The following VPS35L variants were observed in gnomAD, a reference collection of about 807,000 sequenced individuals.
VPS35L encodes the protein VPS35 endosomal protein sorting factor like.
Under a neutral mutation model 133.0 loss-of-function variants are expected in VPS35L, and 83 were observed. That is an observed-to-expected ratio of 0.62 (90% CI 0.52 to 0.75). The LOEUF (loss-of-function observed/expected upper bound fraction) is 0.75, where lower values mean the gene tolerates loss of function less well. VPS35L is among the 30% of genes least tolerant of loss of function. VPS35L has a pLI of 0.00. For synonymous variants in VPS35L, 423 were observed against 449.9 expected, an observed-to-expected ratio of 0.94 and a Z score of 0.76; for missense variants, 1,083 against 1,206.8, an observed-to-expected ratio of 0.90 and a Z score of 1.52.
chr16:19,574,004 G>A (rs528451279), intron 4 of VPS35L, among the ~76,000 whole-genome samples: 6 of 152,178 alleles, frequency 3.9e-5, no homozygotes, highest in African/African-American at 1.4e-4. Flanking sequence ...CGAAATTCGA[G>A]GCTTACCCTT....
intron 3 of VPS35L, among the ~76,000 whole-genome samples, chr16:19,571,847 C>T (rs1971395589): frequency 6.9e-6 from 1 of 144,530 alleles, no homozygotes; most frequent in Non-Finnish European, 1.5e-5. Flanking sequence ...GCCCAGCCAA[C>T]TTTTTTTTTT....
At chr16:19,576,896 A>G (rs988866273) in intron 5 of VPS35L, among the ~76,000 whole-genome samples, 5 of 152,086 alleles carry the variant, frequency 3.3e-5, no homozygotes. Flanking sequence ...TAATAGAGAC[A>G]GGGTTTCACC....
rs1212245932 is a variant in VPS35L at position 19,616,187 on chromosome 16, A to G, written c.1097A>G (p.Lys366Arg). 38 of 1,607,310 alleles carry G rather than the reference A, an allele frequency of 2.4e-5. No homozygotes were observed. The highest frequency in any genetic ancestry group is 2.9e-5 in the Non-Finnish European group (34 of 1,174,078). Residue 366 changes from lysine (K) to arginine (R), a missense_variant, in exon 13 of 31, where the codon AAA becomes AGA. Physicochemically the swap from Lys to Arg is conservative, Grantham distance 26. Transcript: ENST00000417362. ...TTTTTTGACTTCCTCCTTACGTTCA[A>G]ACAGGTAAGAGAACACTATCAGAAT... is the stretch of plus-strand genomic sequence containing the variant. ...KNFFDFLLTF[K>R]QIHGDTVQNQ... is the part of the protein sequence containing the mutation.
At chr16:19,671,468 C>CAA (rs36049125) in intron 27 of VPS35L, among the ~76,000 whole-genome samples, 113 of 134,258 alleles carry the variant, frequency 8.4e-4, no homozygotes, top group Middle Eastern at 8.5e-3. Flanking sequence ...GACTCCATCT[C>CAA]AAAAAAAAAA....
At chr16:19,607,443 T>C (rs1418300833) in intron 9 of VPS35L, among the ~76,000 whole-genome samples, 1 of 152,228 alleles carries the variant, frequency 6.6e-6, no homozygotes, top group Non-Finnish European at 1.5e-5. Context: ...GGACCAGAAC[T>C]TGACCCACGT....
intron 11 of VPS35L, among the ~76,000 whole-genome samples, chr16:19,610,085 C>T (rs1359263942): frequency 6.6e-6 from 1 of 152,058 alleles, no homozygotes; most frequent in African/African-American, 2.4e-5. Flanking sequence ...GGTTAGCCTC[C>T]ACCACTGAGC....
chr16:19,602,136 C>T (rs1461052683), intron 9 of VPS35L, among the ~76,000 whole-genome samples: 1 of 152,110 alleles, frequency 6.6e-6, no homozygotes, highest in Non-Finnish European at 1.5e-5. Context: ...GCTTTGAATT[C>T]ACAATCTATA....
chr16:19,692,644 A>G (rs1456976729), intron 29 of VPS35L, among the ~76,000 whole-genome samples: 2 of 151,676 alleles, frequency 1.3e-5, no homozygotes, highest in Non-Finnish European at 2.9e-5. Context: ...GCTCACTGCA[A>G]CCTCCACCTC....
intron 28 of VPS35L, among the ~76,000 whole-genome samples, chr16:19,688,586 C>T (rs1323845402): frequency 1.3e-5 from 2 of 152,164 alleles, no homozygotes; most frequent in African/African-American, 2.4e-5. Context: ...TGAGAAGCAG[C>T]GAGTGCCGCC....
intron 15 of VPS35L, among the ~76,000 whole-genome samples, chr16:19,626,645 G>A (rs1006100165): frequency 6.6e-6 from 1 of 151,928 alleles, no homozygotes; most frequent in Non-Finnish European, 1.5e-5. Context: ...GCCTGTAGTC[G>A]CAGCTACTCA....
Position 19,677,723 on chromosome 16 carries a change from C to T in VPS35L, c.2362-4502C>T, listed in dbSNP as rs558172437. On this transcript the variant is annotated intron_variant, in intron 27 of 30. Coordinates refer to ENST00000417362, the MANE Select transcript of VPS35L (RefSeq NM_020314.7). Reference sequence around the variant, plus strand: ...AGCAAGCTGGTCTCTGACAGCTTCCCGTCAAGTGGTGATCTGTCTCCCTTC... The same window carrying T: ...AGCAAGCTGGTCTCTGACAGCTTCCTGTCAAGTGGTGATCTGTCTCCCTTC... Among the ~76,000 whole-genome samples, 11 of 152,292 alleles carry T rather than the reference C, an allele frequency of 7.2e-5. 1 individual carries two copies. Among genetic ancestry groups the T allele is most frequent in the African/African-American group, 2.4e-4 (10 of 41,564 alleles).
At chr16:19,646,598 G>A (rs913464312) in intron 23 of VPS35L, among the ~76,000 whole-genome samples, 7 of 152,086 alleles carry the variant, frequency 4.6e-5, no homozygotes, top group Admixed American at 2.6e-4. Flanking sequence ...CCGGGAGGCA[G>A]AGGTTGCGGT....
At chr16:19,607,915 A>G in intron 9 of VPS35L, 1 of 380,502 alleles carries the variant, frequency 2.6e-6, no homozygotes, top group Non-Finnish European at 4.8e-6. Flanking sequence ...AAATAAGATA[A>G]TAAAACTACG....
At chr16:19,676,087 A>G (rs1975054612) in intron 27 of VPS35L, among the ~76,000 whole-genome samples, 1 of 152,106 alleles carries the variant, frequency 6.6e-6, no homozygotes, top group Non-Finnish European at 1.5e-5. Context: ...CCCCATTTCT[A>G]CTAAAAATAC....
intron 12 of VPS35L, among the ~76,000 whole-genome samples, chr16:19,610,976 A>C (rs1410652255): frequency 6.6e-6 from 1 of 152,182 alleles, no homozygotes; most frequent in Non-Finnish European, 1.5e-5. Context: ...GTGTATGGAA[A>C]AAATGTAACC....
chr16:19,679,492 T>A (rs1975187235), intron 27 of VPS35L, among the ~76,000 whole-genome samples: 1 of 142,400 alleles, frequency 7.0e-6, no homozygotes, highest in Admixed American at 7.3e-5. Context: ...TATTTATTTA[T>A]TTATTTATTT....
intron 26 of VPS35L, among the ~76,000 whole-genome samples, chr16:19,656,977 T>G (rs1490704010): frequency 1.3e-5 from 2 of 149,386 alleles, no homozygotes; most frequent in African/African-American, 5.0e-5. Context: ...TTTTTTTTTT[T>G]TTTTTTGAGG....
In VPS35L at chr16:19,639,676, G is replaced by A. The variant is rs917506064; in HGVS notation, c.1699-339G>A. On this transcript the variant is annotated intron_variant, in intron 20 of 30. Transcript: ENST00000417362. This position sits in a 1 kb window ranked among gnomAD's most constrained non-coding sequence, Gnocchi z 4.1. ...TCCAAGTAGCTGGGACTACAGGCAT[G>A]CATCACCATGCCTGGTTTATTTTTG... Among the ~76,000 whole-genome samples the A allele has an allele frequency of 2.0e-5, 3 of 152,142 alleles. No individual in the cohort carries two copies. The highest frequency in any genetic ancestry group is 4.4e-5 in the Non-Finnish European group (3 of 68,030).
intron 4 of VPS35L, among the ~76,000 whole-genome samples, chr16:19,573,540 C>T (rs114648951): frequency 0.018 from 2,724 of 152,140 alleles, 93 homozygotes; most frequent in African/African-American, 0.063. Flanking sequence ...GGGAGGAGGT[C>T]GGGCACGGTG....
Sources: allele counts gnomAD v4.1 joint callset (sites outside exome capture counted in the v4.1 genomes callset), GRCh38; gene constraint gnomAD v4.1.1; non-coding constraint Gnocchi (gnomAD v3.1); transcripts MANE v1.5; gene names NCBI Gene and HGNC (gene_info 2026-07-23, HGNC 2026-07-21).